The following PTCHD1 variants were observed in gnomAD, a reference collection of about 807,000 sequenced individuals.
PTCHD1 encodes the protein patched domain-containing protein 1.
PTCHD1 carries 3 observed loss-of-function variants against 34.6 expected under a neutral mutation model. The observed-to-expected ratio is 0.09, with a 90% confidence interval of 0.04 to 0.22. The LOEUF is 0.22. PTCHD1 is among the 10% of genes least tolerant of loss of function. The pLI is 1.00. For synonymous variants in PTCHD1, 305 were observed against 283.1 expected (o/e 1.08, Z -0.77); for missense variants, 504 against 685.5 (o/e 0.74, Z 2.96).
chrX:23,386,628 T>C (rs984104976), intron 2 of PTCHD1, among the ~76,000 whole-genome samples: 2 of 112,629 alleles, frequency 1.8e-5, no homozygotes, highest in African/African-American at 6.5e-5. Context: ...ATCATGAATT[T>C]ATGTGGATGA....
At position 23,394,154 on chromosome X, in the gene PTCHD1, C is replaced by T; in HGVS notation, c.2636C>T (p.Thr879Ile). 8.3e-7 allele frequency: 1 copy of T among 1,207,699 alleles called. No individual in the cohort carries two copies. Residue 879 changes from threonine (T) to isoleucine (I), a missense_variant, in exon 3 of 3, where the codon ACC becomes ATC. Physicochemically the swap from Thr to Ile is moderately conservative, Grantham distance 89. Coordinates refer to ENST00000379361, the MANE Select transcript of PTCHD1 (RefSeq NM_173495.3). Reference sequence around the variant, plus strand: ...GTAGAAATGGTAGATATCGATAGTACCCGTGTGGTTGACCAAATTACAACA... The same window carrying T: ...GTAGAAATGGTAGATATCGATAGTATCCGTGTGGTTGACCAAATTACAACA... ...ECVEMVDIDS[T>I]RVVDQITTV
Position 23,404,025 on chromosome X carries a change from C to T in PTCHD1, c.*9840C>T, listed in dbSNP as rs1036375324. On this transcript the variant is annotated 3_prime_UTR_variant, in exon 3 of 3. Coordinates refer to ENST00000379361, the MANE Select transcript of PTCHD1 (RefSeq NM_173495.3). Reference sequence around the variant, plus strand: ...CTGATGATTGGCAATTCCACCGTTCCTCTCCATCTGACCAGCTTTCACCAG... The same window carrying T: ...CTGATGATTGGCAATTCCACCGTTCTTCTCCATCTGACCAGCTTTCACCAG... The T allele has an allele frequency of 1.8e-5, 2 of 112,190 alleles. No individual in the cohort carries two copies. The highest frequency in any genetic ancestry group is 9.4e-5 in the Admixed American group (1 of 10,657). The allele number at this position is 112,190 out of a possible 1,213,427, so 9.2% of individuals were successfully genotyped here. A position where few individuals can be genotyped will look rare whatever the true frequency, so the allele number is the denominator to read the frequency against.
chrX:23,339,019 A>C (rs1442997917), intron 1 of PTCHD1, among the ~76,000 whole-genome samples: 1 of 111,656 alleles, frequency 9.0e-6, no homozygotes, highest in Non-Finnish European at 1.9e-5. Context: ...TCTCTGGATG[A>C]TTGAATGTAG....
chrX:23,353,546 G>A (rs1289524787), intron 1 of PTCHD1, among the ~76,000 whole-genome samples: 3 of 111,029 alleles, frequency 2.7e-5, no homozygotes, highest in Non-Finnish European at 3.8e-5. Flanking sequence ...CGGAGATCGC[G>A]CCACTGCACT....
rs764072588 is a variant in PTCHD1, at chrX:23,393,441, T to C, written c.1923T>C (p.Asp641=). The change falls in exon 3 of 3, where the codon GAT becomes GAC. Residue 641 remains aspartate (D), a synonymous_variant. Transcript: ENST00000379361. The stretch of plus-strand genomic sequence containing the variant: ...CTAAAAAATACAATGATGAGGTCGA[T>C]GTAGTGGCCTCCAGAATGTTTTTGG... ...IFSKKYNDEV[D]VVASRMFLVA... 9 of 1,210,424 alleles carry C rather than the reference T, an allele frequency of 7.4e-6. No homozygotes were observed. The East Asian group carries it at 8.9e-5, about 12-fold the overall frequency.
At position 23,380,340 on chromosome X, in the gene PTCHD1, T is replaced by C. The variant is rs771122171; in HGVS notation, c.1012+89T>C. ...GCCAGGAGTAGCCTTCTAACAACTT[T>C]GTTTCATTTAACAGTATCTTCATTT... On this transcript the variant is annotated intron_variant, in intron 2 of 2. Coordinates refer to ENST00000379361, the MANE Select transcript of PTCHD1 (RefSeq NM_173495.3). 2.6e-5 allele frequency: 23 copies of C among 890,083 alleles called. No individual in the cohort carries two copies. In the Admixed American group the frequency reaches 5.1e-4, roughly 20 times the overall value. 73.4% of individuals were successfully genotyped at this position (890,083 alleles called of 1,213,427 possible).
chrX:23,363,847 A>G (rs995762526), intron 1 of PTCHD1, among the ~76,000 whole-genome samples: 2 of 112,561 alleles, frequency 1.8e-5, no homozygotes, highest in African/African-American at 6.5e-5. Flanking sequence ...ACATACCACT[A>G]TGTACACCTG....
At chrX:23,373,693 A>C (rs1403944467) in intron 1 of PTCHD1, among the ~76,000 whole-genome samples, 1 of 112,077 alleles carries the variant, frequency 8.9e-6, no homozygotes, top group African/African-American at 3.2e-5. Context: ...CAAGGGAGCT[A>C]GCGTAATTTA....
At position 23,400,352 on chromosome X, in the gene PTCHD1, C is replaced by A. The variant is rs1442427125; in HGVS notation, c.*6167C>A. 1 of 112,044 alleles carries A rather than the reference C, an allele frequency of 8.9e-6. No homozygotes were observed. Among genetic ancestry groups the A allele is most frequent in the Non-Finnish European group, 1.9e-5 (1 of 53,219 alleles). 9.2% of individuals were successfully genotyped at this position (112,044 alleles called of 1,213,427 possible). On this transcript the variant is annotated 3_prime_UTR_variant, in exon 3 of 3. Coordinates refer to ENST00000379361, the MANE Select transcript of PTCHD1 (RefSeq NM_173495.3). ...CAAAAAAATTAGCTGGGCGTGGTGG[C>A]ACGTGCCTGTAGTCCCAGCTACTCA...
intron 1 of PTCHD1, among the ~76,000 whole-genome samples, chrX:23,379,053 A>C (rs1601913888): frequency 8.9e-6 from 1 of 112,102 alleles, no homozygotes; most frequent in East Asian, 2.8e-4. Flanking sequence ...GAGATCATTT[A>C]GTTGCCCTGC....
At position 23,393,795 on chromosome X, in the gene PTCHD1, T is replaced by C. The variant is rs751292258; in HGVS notation, c.2277T>C (p.Tyr759=). The part of the protein sequence containing the change: ...LDCISVLCLI[Y]GINYTIDNCA... ...GCATTTCTGTGCTATGCTTAATTTA[T>C]GGAATTAATTACACAATTGACAATT... The change falls in exon 3 of 3, where the codon TAT becomes TAC. Residue 759 remains tyrosine (Y), a synonymous_variant. Coordinates refer to ENST00000379361, the MANE Select transcript of PTCHD1 (RefSeq NM_173495.3). 3 of 1,209,728 alleles carry C rather than the reference T, an allele frequency of 2.5e-6. No homozygotes were observed. The highest frequency in any genetic ancestry group is 3.4e-6 in the Non-Finnish European group (3 of 894,774).
intron 1 of PTCHD1, among the ~76,000 whole-genome samples, chrX:23,374,459 T>G (rs1475508529): frequency 9.0e-6 from 1 of 110,622 alleles, no homozygotes; most frequent in Non-Finnish European, 1.9e-5. Flanking sequence ...AAGATCTGAG[T>G]GTGCCAAGGA....
chrX:23,389,597 G>A (rs1479377520), intron 2 of PTCHD1, among the ~76,000 whole-genome samples: 1 of 111,837 alleles, frequency 8.9e-6, no homozygotes, highest in Non-Finnish European at 1.9e-5. Context: ...AATGGTGGTC[G>A]GGGCCTTTGG....
chrX:23,350,968 G>T, intron 1 of PTCHD1: 2 of 227,060 alleles, frequency 8.8e-6, no homozygotes, highest in East Asian at 7.6e-5. Context: ...AGAGCCTACT[G>T]GATTCCCATG....
chrX:23,354,129 G>T (rs945046912), intron 1 of PTCHD1, among the ~76,000 whole-genome samples: 5 of 111,378 alleles, frequency 4.5e-5, no homozygotes, highest in Non-Finnish European at 9.4e-5. Context: ...CTAGATCAGA[G>T]ATTCAGGCCG....
intron 1 of PTCHD1, among the ~76,000 whole-genome samples, chrX:23,350,113 G>A (rs146552394): frequency 0.014 from 1,337 of 97,785 alleles, 18 homozygotes; most frequent in Middle Eastern, 0.056. Flanking sequence ...AAATAACTTT[G>A]GCAAACAATA....
At chrX:23,392,040 TC>T (rs1922842158) in intron 2 of PTCHD1, among the ~76,000 whole-genome samples, 1 of 104,273 alleles carries the variant, frequency 9.6e-6, no homozygotes, top group African/African-American at 3.6e-5. Flanking sequence ...TCATTTTCTT[TC>T]TTTTTTTTTC....
intron 1 of PTCHD1, among the ~76,000 whole-genome samples, chrX:23,349,564 G>T (rs1239508455): frequency 2.7e-5 from 3 of 111,413 alleles, no homozygotes; most frequent in Non-Finnish European, 5.7e-5. Context: ...CAATTATCAG[G>T]AATAAAGAGG....
At chrX:23,346,683 C>A (rs1921486429) in intron 1 of PTCHD1, among the ~76,000 whole-genome samples, 1 of 111,930 alleles carries the variant, frequency 8.9e-6, no homozygotes, top group Non-Finnish European at 1.9e-5. Flanking sequence ...TGAGAAGGTT[C>A]AGAGGAGCCT....
Sources: allele counts gnomAD v4.1 joint callset (sites outside exome capture counted in the v4.1 genomes callset), GRCh38; gene constraint gnomAD v4.1.1; transcripts MANE v1.5; gene names NCBI Gene and HGNC (gene_info 2026-07-23, HGNC 2026-07-21).